The following SPIDR variants were observed in gnomAD, a reference collection of about 807,000 sequenced individuals.
SPIDR encodes the protein scaffold protein involved in DNA repair.
SPIDR carries 93 observed loss-of-function variants against 104.6 expected under a neutral mutation model. That is an observed-to-expected ratio of 0.89 (90% CI 0.75 to 1.06). SPIDR has a LOEUF of 1.06. SPIDR is among the 50% of genes least tolerant of loss of function. SPIDR has a pLI of 0.00. For synonymous variants in SPIDR, 431 were observed against 416.9 expected (o/e 1.03, Z -0.41); for missense variants, 1,154 against 1,111.2 (o/e 1.04, Z -0.55).
At chr8:47,619,989 C>T (rs990866139) in intron 10 of SPIDR, among the ~76,000 whole-genome samples, 3 of 152,158 alleles carry the variant, frequency 2.0e-5, no homozygotes, top group African/African-American at 7.2e-5. Flanking sequence ...AATTCTATAT[C>T]ATGTCTGTGC....
intron 5 of SPIDR, among the ~76,000 whole-genome samples, chr8:47,316,934 T>C (rs1236888054): frequency 3.3e-5 from 5 of 152,090 alleles, no homozygotes; most frequent in Non-Finnish European, 4.4e-5. Flanking sequence ...TACTGTCATC[T>C]GCAACTTTGA....
intron 8 of SPIDR, among the ~76,000 whole-genome samples, chr8:47,455,058 G>A (rs1479267015): frequency 6.6e-6 from 1 of 152,048 alleles, no homozygotes; most frequent in East Asian, 1.9e-4. Flanking sequence ...AAAGAGTATT[G>A]GTCAAGGTAG....
intron 8 of SPIDR, among the ~76,000 whole-genome samples, chr8:47,517,562 TTG>T (rs1344984222): frequency 6.6e-6 from 1 of 152,202 alleles, no homozygotes; most frequent in Admixed American, 6.5e-5. Flanking sequence ...GTTGATATAT[TTG>T]TGTCAAATTC....
At chr8:47,574,031 T>C (rs2058810291) in intron 8 of SPIDR, among the ~76,000 whole-genome samples, 1 of 152,254 alleles carries the variant, frequency 6.6e-6, no homozygotes, top group Non-Finnish European at 1.5e-5. Context: ...GCCTTGCACA[T>C]TTATCTATTT....
intron 11 of SPIDR, among the ~76,000 whole-genome samples, chr8:47,686,359 A>G (rs2077824128): frequency 6.6e-6 from 1 of 152,192 alleles, no homozygotes; most frequent in Admixed American, 6.5e-5. Flanking sequence ...TAAATATGCT[A>G]TTATTAGCTG....
intron 8 of SPIDR, among the ~76,000 whole-genome samples, chr8:47,581,552 T>C (rs934384943): frequency 6.6e-6 from 1 of 152,182 alleles, no homozygotes. Context: ...TCCAGCATAG[T>C]AGCCCTGCTG....
chr8:47,528,432 C>A (rs2085373823), intron 8 of SPIDR, among the ~76,000 whole-genome samples: 1 of 152,088 alleles, frequency 6.6e-6, no homozygotes, highest in South Asian at 2.1e-4. Context: ...ACAAATAAGT[C>A]ACAGTTTGAA....
intron 1 of SPIDR, among the ~76,000 whole-genome samples, chr8:47,273,290 C>G (rs1008811138): frequency 4.6e-5 from 7 of 152,156 alleles, no homozygotes; most frequent in African/African-American, 1.7e-4. Flanking sequence ...GCTATGTTGG[C>G]TCACATAAGT....
intron 10 of SPIDR, among the ~76,000 whole-genome samples, chr8:47,617,846 G>A (rs2064549572): frequency 6.6e-6 from 1 of 152,158 alleles, no homozygotes; most frequent in African/African-American, 2.4e-5. Flanking sequence ...CATTTTGGGA[G>A]TGGGAAGTAC....
intron 1 of SPIDR, 52 bp from the exon 2 acceptor site, chr8:47,279,810 A>G (rs2037362571): frequency 3.2e-6 from 5 of 1,543,200 alleles, no homozygotes; most frequent in Non-Finnish European, 3.5e-6. Context: ...TATTTAATGA[A>G]GTTGATTTTG....
At chr8:47,700,766 A>G (rs541359775) in intron 12 of SPIDR, among the ~76,000 whole-genome samples, 1 of 152,314 alleles carries the variant, frequency 6.6e-6, no homozygotes, top group African/African-American at 2.4e-5. Context: ...CAACCCTCAC[A>G]TACTGTTGGA....
chr8:47,351,758 G>C (rs1207139326), intron 5 of SPIDR, among the ~76,000 whole-genome samples: 1 of 152,062 alleles, frequency 6.6e-6, no homozygotes, highest in Non-Finnish European at 1.5e-5. Context: ...ATTGTGTTAG[G>C]CATTATAACT....
chr8:47,420,535 T>C (rs1554679391), intron 7 of SPIDR, among the ~76,000 whole-genome samples: 1 of 152,162 alleles, frequency 6.6e-6, no homozygotes, highest in Non-Finnish European at 1.5e-5. Context: ...GTTTCCTGAA[T>C]GCAGCACACT....
chr8:47,436,464 G>C (rs1180950891), intron 7 of SPIDR, among the ~76,000 whole-genome samples: 3 of 152,216 alleles, frequency 2.0e-5, no homozygotes, highest in African/African-American at 7.2e-5. Context: ...GCTCACACCT[G>C]TAATCCCAGC....
chr8:47,498,298 T>C (rs779005852), intron 8 of SPIDR, among the ~76,000 whole-genome samples: 2 of 152,146 alleles, frequency 1.3e-5, no homozygotes, highest in African/African-American at 4.8e-5. Context: ...CAAAGGCACT[T>C]ATTGGCAAAC....
At chr8:47,718,550 C>CT (rs2082913801) in intron 16 of SPIDR, among the ~76,000 whole-genome samples, 1 of 151,064 alleles carries the variant, frequency 6.6e-6, no homozygotes, top group African/African-American at 2.4e-5. Context: ...GCAAGGGCTC[C>CT]TTTTTATTTT....
At chr8:47,697,062 G>A (rs544429012) in intron 11 of SPIDR, among the ~76,000 whole-genome samples, 5 of 152,142 alleles carry the variant, frequency 3.3e-5, no homozygotes, top group African/African-American at 9.6e-5. Context: ...GTGATGTGGT[G>A]CCCCCATCCT....
chr8:47,660,491 A>C, intron 10 of SPIDR: 1 of 985,372 alleles, frequency 1.0e-6, no homozygotes, highest in Non-Finnish European at 1.2e-6. Flanking sequence ...AGTCCTGCGG[A>C]ATGGCAGCTG....
intron 8 of SPIDR, among the ~76,000 whole-genome samples, chr8:47,587,609 C>CAAAAAAAA (rs36084278): frequency 3.4e-5 from 2 of 58,850 alleles, no homozygotes; most frequent in Non-Finnish European, 3.9e-5. Flanking sequence ...GACCCTGCCT[C>CAAAAAAAA]AAAAAAAAAA....
Sources: gnomAD v4.1 joint callset for allele counts (sites outside exome capture counted in the v4.1 genomes callset) on GRCh38, gnomAD v4.1.1 for gene constraint, MANE v1.5 for transcripts, NCBI Gene and HGNC (gene_info 2026-07-23, HGNC 2026-07-21) for gene names.